The following CADM3 variants were observed in gnomAD, a reference collection of about 807,000 sequenced individuals.
The protein encoded by CADM3 is TSLC1-like 1.
In CADM3, 11 loss-of-function variants were observed where a neutral mutation model predicts 44.9. That is an observed-to-expected ratio of 0.25 (90% CI 0.15 to 0.41). The LOEUF (loss-of-function observed/expected upper bound fraction) is 0.41, where lower values mean the gene tolerates loss of function less well. Ranked by LOEUF, CADM3 falls within the 10% of genes least tolerant of loss-of-function variation. The pLI is 1.00. For synonymous variants in CADM3, 207 were observed against 205.2 expected (o/e 1.01, Z -0.08); for missense variants, 426 against 512.0 (o/e 0.83, Z 1.62).
intron 1 of CADM3, among the ~76,000 whole-genome samples, chr1:159,185,165 G>A (rs1296283718): frequency 6.6e-6 from 1 of 152,132 alleles, no homozygotes; most frequent in Non-Finnish European, 1.5e-5. Flanking sequence ...GCACTTAGGG[G>A]TCCATGAAAT....
At chr1:159,185,929 G>C (rs1649401189) in intron 1 of CADM3, among the ~76,000 whole-genome samples, 1 of 152,198 alleles carries the variant, frequency 6.6e-6, no homozygotes, top group African/African-American at 2.4e-5. Flanking sequence ...AGTCAAACTT[G>C]CAGTACAAAG....
At chr1:159,177,653 G>A (rs1286589374) in intron 1 of CADM3, among the ~76,000 whole-genome samples, 1 of 152,034 alleles carries the variant, frequency 6.6e-6, no homozygotes, top group Non-Finnish European at 1.5e-5. Flanking sequence ...ACAAACACAT[G>A]ACAAAACTCT....
In CADM3 at chr1:159,171,649, C is replaced by G; in HGVS notation, c.-117C>G. ...CCGGTCCCCACCTCGGCCCCGGGCT[C>G]CGAAGCGGCTCGGGGGCGCCCTTTC... On this transcript the variant is annotated 5_prime_UTR_variant, in exon 1 of 9. Coordinates refer to ENST00000368125, the MANE Select transcript of CADM3 (RefSeq NM_001127173.3). 2.7e-6 allele frequency: 2 copies of G among 728,204 alleles called. No individual in the cohort carries two copies. Among genetic ancestry groups the G allele is most frequent in the Non-Finnish European group, 3.8e-6 (2 of 528,850 alleles). 45.1% of individuals were successfully genotyped at this position (728,204 alleles called of 1,614,324 possible). A position where few individuals can be genotyped will look rare whatever the true frequency, so the allele number is the denominator to read the frequency against.
At chr1:159,174,330 A>G (rs1175239947) in intron 1 of CADM3, among the ~76,000 whole-genome samples, 1 of 152,198 alleles carries the variant, frequency 6.6e-6, no homozygotes, top group East Asian at 1.9e-4. Context: ...AATCCTGAAG[A>G]CTATTTTGCA....
chr1:159,193,276 A>G, intron 3 of CADM3, 147 bp from the exon 4 acceptor site: 1 of 909,984 alleles, frequency 1.1e-6, no homozygotes, highest in South Asian at 1.8e-5. Flanking sequence ...GAGGAGATCA[A>G]AAAGAAAGAT....
intron 1 of CADM3, among the ~76,000 whole-genome samples, chr1:159,174,871 C>T (rs1181585850): frequency 6.6e-6 from 1 of 152,186 alleles, no homozygotes; most frequent in Non-Finnish European, 1.5e-5. Context: ...TTGGGCTCTT[C>T]CTTCTGAAGT....
At chr1:159,183,956 T>C (rs1266873377) in intron 1 of CADM3, among the ~76,000 whole-genome samples, 2 of 152,040 alleles carry the variant, frequency 1.3e-5, no homozygotes, top group Non-Finnish European at 2.9e-5. Context: ...CTGTACAGAG[T>C]TCCTTCTGAC....
At chr1:159,187,514 C>G (rs530001042) in intron 1 of CADM3, among the ~76,000 whole-genome samples, 2 of 152,310 alleles carry the variant, frequency 1.3e-5, no homozygotes, top group South Asian at 4.1e-4. Flanking sequence ...CTGCCTATCT[C>G]TTGAGTTTGT....
At chr1:159,174,765 G>C (rs1339607455) in intron 1 of CADM3, among the ~76,000 whole-genome samples, 1 of 152,150 alleles carries the variant, frequency 6.6e-6, no homozygotes, top group African/African-American at 2.4e-5. Context: ...TTTCACAGTG[G>C]TTGACAATTC....
Position 159,191,970 on chromosome 1 carries a change from G to C in CADM3, c.123G>C (p.Val41=). The C allele has an allele frequency of 6.2e-7, 1 of 1,614,132 alleles. No homozygotes were observed. The highest frequency in any genetic ancestry group is 8.5e-7 in the Non-Finnish European group (1 of 1,180,016). ...SQPWTSDETV[V]AGGTVVLKCQ... ...CCTGGACATCTGATGAAACAGTGGT[G>C]GCTGGTGGCACCGTGGTGCTCAAGT... Residue 41 remains valine (V), a synonymous_variant, in exon 2 of 9, where the codon GTG becomes GTC. Transcript: ENST00000368125.
chr1:159,193,569 C>CT lies in CADM3; in HGVS notation c.520+10dup, dbSNP rs746092586. The CT allele has an allele frequency of 1.8e-4, 292 of 1,614,028 alleles. No individual in the cohort carries two copies. Among genetic ancestry groups the CT allele is most frequent in the Non-Finnish European group, 2.4e-4 (280 of 1,180,046 alleles). On this transcript the variant is annotated intron_variant, in intron 4 of 8. Transcript: ENST00000368125. ...TGACCAAGAACTCCACGGTGAGTACCTCCTGCCTTGGGGTTACAGGAGAAA... is the reference window on the plus strand; with the variant it reads ...TGACCAAGAACTCCACGGTGAGTACCTTCCTGCCTTGGGGTTACAGGAGAAA...
In CADM3 at chr1:159,199,824, C is replaced by T. The variant is rs1650074970; in HGVS notation, c.1026C>T (p.Phe342=). 1 of 1,614,104 alleles carries T rather than the reference C, an allele frequency of 6.2e-7. No individual in the cohort carries two copies. The highest frequency in any genetic ancestry group is 8.5e-7 in the Non-Finnish European group (1 of 1,180,034). The change falls in exon 8 of 9, where the codon TTC becomes TTT. Residue 342 remains phenylalanine (F), a synonymous_variant. Coordinates refer to ENST00000368125, the MANE Select transcript of CADM3 (RefSeq NM_001127173.3). ...GTGGGATCGTGGCTTTCATTGTCTT[C>T]CTGCTGCTCATCATGCTCATCTTCC... ...IIGGIVAFIV[F]LLLIMLIFLG...
In CADM3 at chr1:159,193,850, C is replaced by G. The variant is rs923010767; in HGVS notation, c.521-20C>G. Reference sequence around the variant, plus strand: ...CTCTCTCTGTGTGTTTGTGTGTGTGCCACTGTTTCTGCACTCTAGGAGAAC... The same window carrying G: ...CTCTCTCTGTGTGTTTGTGTGTGTGGCACTGTTTCTGCACTCTAGGAGAAC... On this transcript the variant is annotated intron_variant, in intron 4 of 8. Coordinates refer to ENST00000368125, the MANE Select transcript of CADM3 (RefSeq NM_001127173.3). The G allele has an allele frequency of 6.2e-7, 1 of 1,609,524 alleles. No homozygotes were observed. The highest frequency in any genetic ancestry group is 1.1e-5 in the South Asian group (1 of 90,280).
Position 159,174,579 on chromosome 1 carries a change from T to A in CADM3, c.88+2726T>A, listed in dbSNP as rs34112951. 1.8e-3 allele frequency among the ~76,000 whole-genome samples: 280 copies of A among 152,340 alleles called. 1 individual carries two copies. Among genetic ancestry groups the A allele is most frequent in the African/African-American group, 6.3e-3 (260 of 41,568 alleles). ...ACAAACTTAATGTGCTGCTGGGGCA[T>A]ATCATTCCCTGGAGCACAGCATAAA... On this transcript the variant is annotated intron_variant, in intron 1 of 8. Coordinates refer to ENST00000368125, the MANE Select transcript of CADM3 (RefSeq NM_001127173.3).
chr1:159,196,217 TC>T (rs764723450), intron 5 of CADM3, 146 bp from the exon 6 acceptor site: 1 of 613,830 alleles, frequency 1.6e-6, no homozygotes. Flanking sequence ...TGGTCCTTGT[TC>T]ATGAGAAGTA....
chr1:159,200,855 A>G lies in CADM3; in HGVS notation c.1130A>G (p.Asp377Gly), dbSNP rs1268117756. 1.2e-6 allele frequency: 2 copies of G among 1,611,932 alleles called. No homozygotes were observed. The highest frequency in any genetic ancestry group is 2.7e-5 in the African/African-American group (2 of 74,802). ...AKGSDDAPDA[D>G]TAIINAEGGQ... is the part of the protein sequence containing the mutation. ...GGCTCCGACGATGCTCCAGACGCGG[A>G]CACGGCCATCATCAATGCAGAAGGC... The change falls in exon 9 of 9, where the codon GAC (aspartate) becomes GGC (glycine). Residue 377 changes from aspartate to glycine, a missense_variant. Around this residue, in one of 2 missense-constraint regions of CADM3, gnomAD observed 362 missense variants for 474.6 expected, o/e 0.76. Coordinates refer to ENST00000368125, the MANE Select transcript of CADM3 (RefSeq NM_001127173.3).
At chr1:159,174,248 T>C (rs1036541827) in intron 1 of CADM3, among the ~76,000 whole-genome samples, 14 of 152,230 alleles carry the variant, frequency 9.2e-5, no homozygotes, top group African/African-American at 3.4e-4. Flanking sequence ...TTCTATCTTT[T>C]AGTTTCTGGA....
chr1:159,181,120 C>G (rs1413948739), intron 1 of CADM3, among the ~76,000 whole-genome samples: 1 of 152,154 alleles, frequency 6.6e-6, no homozygotes, highest in Non-Finnish European at 1.5e-5. Context: ...TTCCAATGAG[C>G]TAAATTGAAT....
intron 1 of CADM3, among the ~76,000 whole-genome samples, chr1:159,180,579 A>ATTT (rs10681414): frequency 2.3e-4 from 35 of 149,546 alleles, no homozygotes; most frequent in South Asian, 4.2e-4. Flanking sequence ...AAAAATACAG[A>ATTT]TTTTTTTTTT....
Sources: gnomAD v4.1 joint callset for allele counts (sites outside exome capture counted in the v4.1 genomes callset) on GRCh38, gnomAD v4.1.1 for gene constraint, gnomAD v4.1.1 regional missense constraint, MANE v1.5 for transcripts, NCBI Gene and HGNC (gene_info 2026-07-23, HGNC 2026-07-21) for gene names.